FHIT: variants seen among roughly 807,000 people sequenced by gnomAD.
FHIT encodes bis(5'-adenosyl)-triphosphatase.
Under a neutral mutation model 17.9 loss-of-function variants are expected in FHIT, and 19 were observed. That is an observed-to-expected ratio of 1.06 (90% CI 0.74 to 1.56). The LOEUF (loss-of-function observed/expected upper bound fraction) is 1.56. Ranked by LOEUF, FHIT falls within the 40% of genes most tolerant of loss-of-function variation. FHIT has a pLI of 0.00. For missense variants in FHIT, 248 were observed against 189.2 expected (o/e 1.31, Z -1.82); for synonymous variants, 81 against 69.7 (o/e 1.16, Z -0.81).
chr3:60,844,368 C>T (rs1702848714), intron 3 of FHIT, among the ~76,000 whole-genome samples: 1 of 151,808 alleles, frequency 6.6e-6, no homozygotes, highest in South Asian at 2.1e-4. Flanking sequence ...TTCATAAAAT[C>T]ATTGACTCTA....
chr3:59,820,491 C>T (rs1346320600), intron 8 of FHIT, among the ~76,000 whole-genome samples: 2 of 152,182 alleles, frequency 1.3e-5, no homozygotes, highest in Non-Finnish European at 2.9e-5. Context: ...AAATGTCTCA[C>T]GATTTAGAAC....
chr3:61,208,776 C>T (rs2039346187), intron 1 of FHIT, among the ~76,000 whole-genome samples: 1 of 151,928 alleles, frequency 6.6e-6, no homozygotes, highest in Non-Finnish European at 1.5e-5. Flanking sequence ...ATCCAATTTG[C>T]CAATCTGTGT....
intron 4 of FHIT, among the ~76,000 whole-genome samples, chr3:60,774,758 T>G (rs574403292): frequency 1.3e-5 from 2 of 152,284 alleles, no homozygotes; most frequent in Non-Finnish European, 2.9e-5. Flanking sequence ...GTGGATCTGA[T>G]CACAGAGCTA....
At chr3:60,777,258 T>G (rs566313899) in intron 4 of FHIT, among the ~76,000 whole-genome samples, 2 of 152,188 alleles carry the variant, frequency 1.3e-5, no homozygotes, top group Non-Finnish European at 2.9e-5. Flanking sequence ...GGTCAGGGTA[T>G]AGCTTGGTTT....
intron 4 of FHIT, among the ~76,000 whole-genome samples, chr3:60,647,903 G>A (rs376457021): frequency 1.3e-5 from 2 of 152,142 alleles, no homozygotes; most frequent in Non-Finnish European, 2.9e-5. Context: ...TGGCTTAACA[G>A]CAAATATTAT....
chr3:60,653,703 C>T (rs2107811426), intron 4 of FHIT, among the ~76,000 whole-genome samples: 1 of 151,854 alleles, frequency 6.6e-6, no homozygotes, highest in African/African-American at 2.4e-5. Flanking sequence ...AAATAAGAAT[C>T]AGAGTAGCAT....
chr3:60,820,545 A>C (rs561709489), intron 4 of FHIT, among the ~76,000 whole-genome samples: 3 of 152,284 alleles, frequency 2.0e-5, no homozygotes, highest in Admixed American at 1.3e-4. Flanking sequence ...TCCCACAACA[A>C]GATGCAGCAA....
At chr3:61,001,586 T>C (rs541484882) in intron 3 of FHIT, among the ~76,000 whole-genome samples, 1 of 152,330 alleles carries the variant, frequency 6.6e-6, no homozygotes, top group Non-Finnish European at 1.5e-5. Context: ...TACTTTAATA[T>C]AGCATTCATG....
intron 3 of FHIT, among the ~76,000 whole-genome samples, chr3:61,014,050 A>C (rs920713190): frequency 2.6e-5 from 4 of 152,144 alleles, no homozygotes; most frequent in Non-Finnish European, 4.4e-5. Context: ...AATCACAGGA[A>C]GGGATGAATT....
chr3:61,247,052 G>T (rs1396078326), intron 1 of FHIT, among the ~76,000 whole-genome samples: 1 of 142,276 alleles, frequency 7.0e-6, no homozygotes, highest in Non-Finnish European at 1.5e-5. Context: ...CTTCCCTGCC[G>T]AGAATATACC....
chr3:61,182,101 A>G (rs1441050667), intron 2 of FHIT, among the ~76,000 whole-genome samples: 1 of 152,208 alleles, frequency 6.6e-6, no homozygotes, highest in Non-Finnish European at 1.5e-5. Flanking sequence ...ATTAACTGAA[A>G]GAGAAAGCTT....
Position 60,857,226 on chromosome 3 carries a change from T to C in FHIT, c.-110-35215A>G, listed in dbSNP as rs145119949. On this transcript the variant is annotated intron_variant, in intron 3 of 9. Transcript: ENST00000492590. ...GCATGTATGAAAAACAGACTCATGGTAAAATAATAAGAATAGAAAAAAGTT... is the reference window on the plus strand; with the variant it reads ...GCATGTATGAAAAACAGACTCATGGCAAAATAATAAGAATAGAAAAAAGTT... Among the ~76,000 whole-genome samples the C allele has an allele frequency of 2.3e-3, 347 of 152,216 alleles. 7 individuals are homozygous for C. Among genetic ancestry groups the C allele is most frequent in the Admixed American group, 0.019 (295 of 15,280 alleles).
At chr3:61,148,385 T>G (rs2037288353) in intron 2 of FHIT, among the ~76,000 whole-genome samples, 1 of 152,190 alleles carries the variant, frequency 6.6e-6, no homozygotes, top group Non-Finnish European at 1.5e-5. Context: ...CCTAGCTCCC[T>G]ATTTTTCTGG....
At chr3:61,218,294 A>G (rs576897142) in intron 1 of FHIT, among the ~76,000 whole-genome samples, 1 of 152,300 alleles carries the variant, frequency 6.6e-6, no homozygotes, top group Admixed American at 6.5e-5. Flanking sequence ...GTAAAACTAA[A>G]TCCTCAAGAT....
intron 8 of FHIT, among the ~76,000 whole-genome samples, chr3:59,916,858 A>G (rs984007714): frequency 3.9e-5 from 6 of 152,234 alleles, no homozygotes; most frequent in African/African-American, 9.6e-5. Context: ...TCAAGTTGTT[A>G]TCTTATTCTG....
At chr3:60,980,576 T>C (rs941500526) in intron 3 of FHIT, among the ~76,000 whole-genome samples, 6 of 152,292 alleles carry the variant, frequency 3.9e-5, no homozygotes, top group African/African-American at 1.4e-4. Flanking sequence ...CAGATGTCGG[T>C]TCCAGAAATG....
rs1467325106 is a variant in FHIT at position 59,983,935 on chromosome 3, C to T, written c.279+27436G>A. On this transcript the variant is annotated intron_variant, in intron 7 of 9. Transcript: ENST00000492590. Reference sequence around the variant, plus strand: ...TGCTGCATAGACCAAAAACAAGAGCCTCTACGTACTGAAGTGATAGGGCAA... The same window carrying T: ...TGCTGCATAGACCAAAAACAAGAGCTTCTACGTACTGAAGTGATAGGGCAA... 2.1e-5 allele frequency among the ~76,000 whole-genome samples: 3 copies of T among 141,234 alleles called. No individual in the cohort carries two copies. The South Asian group carries it at 8.0e-4, about 38-fold the overall frequency. The allele number at this position is 141,234 out of a possible 152,430, so 92.7% of individuals were successfully genotyped here.
At chr3:61,071,275 A>C (rs907279409) in intron 2 of FHIT, among the ~76,000 whole-genome samples, 4 of 152,348 alleles carry the variant, frequency 2.6e-5, no homozygotes, top group Admixed American at 1.3e-4. Context: ...AAAGAGTCCA[A>C]ACACTCTCAC....
intron 5 of FHIT, among the ~76,000 whole-genome samples, chr3:60,309,984 G>A (rs1385336613): frequency 6.6e-6 from 1 of 152,078 alleles, no homozygotes; most frequent in Non-Finnish European, 1.5e-5. Flanking sequence ...AGCTCCTTGA[G>A]GACAAGGACA....
Sources: gnomAD v4.1 joint callset for allele counts (sites outside exome capture counted in the v4.1 genomes callset) on GRCh38, gnomAD v4.1.1 for gene constraint, MANE v1.5 for transcripts, NCBI Gene and HGNC (gene_info 2026-07-23, HGNC 2026-07-21) for gene names.